Variants in KLHL1 observed in about 807,000 individuals in gnomAD.
The protein encoded by KLHL1 is kelch-like protein 1.
Under a neutral mutation model 77.7 loss-of-function variants are expected in KLHL1, and 47 were observed. That is an observed-to-expected ratio of 0.60 (90% CI 0.48 to 0.77). KLHL1 has a LOEUF of 0.77. Among genes scored for constraint, KLHL1 ranks in the 30% least tolerant of loss-of-function variants. The pLI is 0.00. For missense variants in KLHL1, 925 were observed against 910.8 expected, an observed-to-expected ratio of 1.02 and a Z score of -0.20; for synonymous variants, 360 against 325.2, an observed-to-expected ratio of 1.11 and a Z score of -1.15.
chr13:69,992,315 T>C (rs766367549), intron 1 of KLHL1, among the ~76,000 whole-genome samples: 4 of 151,994 alleles, frequency 2.6e-5, no homozygotes, highest in Non-Finnish European at 5.9e-5. Flanking sequence ...CAATCTCTTT[T>C]GAACAACTCA....
At chr13:69,812,628 A>G (rs1428614057) in intron 6 of KLHL1, among the ~76,000 whole-genome samples, 5 of 152,006 alleles carry the variant, frequency 3.3e-5, no homozygotes, top group African/African-American at 4.8e-5. Context: ...TACAAGAAAA[A>G]AACAAACAAC....
At chr13:70,024,678 TTTTC>T (rs143687910) in intron 1 of KLHL1, among the ~76,000 whole-genome samples, 12,366 of 98,716 alleles carry the variant, frequency 0.13, 563 homozygotes, top group South Asian at 0.19. Context: ...CTCTGTCTCT[TTTTC>T]TTTCTTTATT....
At chr13:69,701,867 T>G in intron 10 of KLHL1, 106 bp from the exon 11 acceptor site, 1 of 811,698 alleles carries the variant, frequency 1.2e-6, no homozygotes, top group Non-Finnish European at 1.9e-6. Context: ...AATGTGCTTG[T>G]TTTCCCATTT....
At chr13:69,934,287 CTCTT>C (rs1182751520) in intron 4 of KLHL1, among the ~76,000 whole-genome samples, 1 of 152,110 alleles carries the variant, frequency 6.6e-6, no homozygotes, top group Non-Finnish European at 1.5e-5. Context: ...TTACCTCACT[CTCTT>C]TTTTATTTCT....
intron 2 of KLHL1, 68 bp from the exon 3 acceptor site, chr13:69,961,512 T>A: frequency 6.5e-7 from 1 of 1,527,682 alleles, no homozygotes; most frequent in Non-Finnish European, 9.0e-7. Flanking sequence ...TCAACCAGAA[T>A]GCAACACAGA....
chr13:69,994,556 AC>A (rs1775317860), intron 1 of KLHL1, among the ~76,000 whole-genome samples: 1 of 152,140 alleles, frequency 6.6e-6, no homozygotes, highest in Non-Finnish European at 1.5e-5. Flanking sequence ...TTCTGCACTT[AC>A]AAGATATATC....
Position 69,784,983 on chromosome 13 carries a change from G to A in KLHL1, c.1639+11755C>T, listed in dbSNP as rs867353110. On this transcript the variant is annotated intron_variant, in intron 7 of 10. Transcript: ENST00000377844. Reference sequence around the variant, plus strand: ...CAGCTCACTGCAAGCTCCGCCTCCCGGGTTCACGCCATTCTCCTGCCTCAG... The same window carrying A: ...CAGCTCACTGCAAGCTCCGCCTCCCAGGTTCACGCCATTCTCCTGCCTCAG... 1.0e-3 allele frequency among the ~76,000 whole-genome samples: 142 copies of A among 138,256 alleles called. 1 individual carries two copies. The Middle Eastern group carries it at 0.018, about 18-fold the overall frequency. 90.7% of individuals were successfully genotyped at this position (138,256 alleles called of 152,430 possible).
intron 1 of KLHL1, among the ~76,000 whole-genome samples, chr13:70,009,409 C>A (rs1885478453): frequency 6.6e-6 from 1 of 152,074 alleles, no homozygotes; most frequent in Non-Finnish European, 1.5e-5. Context: ...ACAAGAAGAG[C>A]ATGTTTAAAG....
At chr13:69,846,996 T>C (rs1017876433) in intron 5 of KLHL1, among the ~76,000 whole-genome samples, 5 of 151,546 alleles carry the variant, frequency 3.3e-5, no homozygotes, top group African/African-American at 1.2e-4. Flanking sequence ...TCAATTTTCA[T>C]GTCTTTTTAA....
At chr13:69,999,974 T>C (rs2137324090) in intron 1 of KLHL1, among the ~76,000 whole-genome samples, 1 of 151,846 alleles carries the variant, frequency 6.6e-6, no homozygotes, top group South Asian at 2.1e-4. Flanking sequence ...TGGTGAGAGG[T>C]ATTTGGGTCA....
Position 70,000,969 on chromosome 13 carries a change from AATG to A in KLHL1, c.498-25170_498-25168del, listed in dbSNP as rs1349913046. 7.3e-5 allele frequency among the ~76,000 whole-genome samples: 11 copies of A among 151,592 alleles called. No homozygotes were observed. The South Asian group carries it at 2.3e-3, about 31-fold the overall frequency. ...TAGATGCCAGAATATTAATAAGATC[AATG>A]ATGACAGGAAAGTAATTGGCAAAAT... is the stretch of plus-strand genomic sequence containing the variant. On this transcript the variant is annotated intron_variant, in intron 1 of 10. Coordinates refer to ENST00000377844, the MANE Select transcript of KLHL1 (RefSeq NM_020866.3).
intron 7 of KLHL1, among the ~76,000 whole-genome samples, chr13:69,789,923 C>G (rs1313670977): frequency 6.6e-6 from 1 of 152,056 alleles, no homozygotes; most frequent in African/African-American, 2.4e-5. Flanking sequence ...CCTAATACGT[C>G]TAGAGTAGGT....
intron 3 of KLHL1, among the ~76,000 whole-genome samples, chr13:69,956,042 A>T (rs1936867369): frequency 8.4e-6 from 1 of 119,424 alleles, no homozygotes; most frequent in African/African-American, 3.0e-5. Flanking sequence ...ATATTTATAT[A>T]TATTTGATAT....
intron 2 of KLHL1, among the ~76,000 whole-genome samples, chr13:69,970,275 C>T (rs560088806): frequency 6.6e-6 from 1 of 152,228 alleles, no homozygotes; most frequent in East Asian, 1.9e-4. Context: ...CTAAATTAAA[C>T]TCAAAGCTTT....
intron 4 of KLHL1, among the ~76,000 whole-genome samples, chr13:69,885,535 G>T (rs1182680493): frequency 6.6e-6 from 1 of 151,876 alleles, no homozygotes; most frequent in Non-Finnish European, 1.5e-5. Context: ...TACAATGTAG[G>T]TTCTGGAAAT....
intron 1 of KLHL1, among the ~76,000 whole-genome samples, chr13:70,027,143 T>A (rs1039124008): frequency 2.6e-5 from 4 of 152,108 alleles, no homozygotes; most frequent in Non-Finnish European, 5.9e-5. Flanking sequence ...TTAGGATTTT[T>A]AAAAATATTA....
intron 6 of KLHL1, among the ~76,000 whole-genome samples, chr13:69,836,233 T>C (rs1053083595): frequency 2.0e-5 from 3 of 151,966 alleles, no homozygotes; most frequent in Non-Finnish European, 4.4e-5. Context: ...AAGACACAAA[T>C]TGCAGCTCAG....
intron 5 of KLHL1, among the ~76,000 whole-genome samples, chr13:69,846,457 C>T (rs2911509): frequency 0.93 from 141,563 of 151,468 alleles, 66,379 homozygotes; most frequent in East Asian, 0.99. Context: ...CTTTTGACAA[C>T]GAATTTGTTA....
intron 7 of KLHL1, among the ~76,000 whole-genome samples, chr13:69,787,433 G>T (rs1876614169): frequency 6.6e-6 from 1 of 152,104 alleles, no homozygotes; most frequent in Admixed American, 6.5e-5. Context: ...TTAATAAAAG[G>T]TGCTGGGGAA....
Sources: gnomAD v4.1 joint callset for allele counts (sites outside exome capture counted in the v4.1 genomes callset) on GRCh38, gnomAD v4.1.1 for gene constraint, MANE v1.5 for transcripts, NCBI Gene and HGNC (gene_info 2026-07-23, HGNC 2026-07-21) for gene names.